Variants in CYP4X1 observed in about 807,000 individuals in gnomAD.
CYP4X1 encodes the protein cytochrome P450 family 4 subfamily X member 1, also known as cytochrome P450 4X1.
Under a neutral mutation model 57.9 loss-of-function variants are expected in CYP4X1, and 44 were observed. That is an observed-to-expected ratio of 0.76 (90% CI 0.60 to 0.98). CYP4X1 has a LOEUF of 0.98. CYP4X1 is among the 50% of genes least tolerant of loss of function. The pLI is 0.00. For synonymous variants in CYP4X1, 227 were observed against 228.6 expected (o/e 0.99, Z 0.06); for missense variants, 532 against 623.9 (o/e 0.85, Z 1.57).
At chr1:47,009,915 A>G in the CYP4X1 span, among the ~76,000 whole-genome samples, 1 of 152,226 alleles carries the variant, frequency 6.6e-6, no homozygotes, top group Non-Finnish European at 1.5e-5. Flanking sequence ...TGAGGCAATA[A>G]TTAATAACTT....
In CYP4X1 at chr1:47,039,530, T is replaced by C. The variant is rs141112226; in HGVS notation, c.1071T>C (p.Thr357=). The C allele has an allele frequency of 3.7e-6, 6 of 1,601,624 alleles. No homozygotes were observed. Among genetic ancestry groups the C allele is most frequent in the Admixed American group, 1.8e-5 (1 of 56,816 alleles). The part of the protein sequence containing the change: ...RGILGDGSSI[T]WDQLGEMSYT... ...TCCTGGGGGATGGGTCTTCTATCAC[T>C]TGGTAAGATCTGCACCCCTAAATTT... is the stretch of plus-strand genomic sequence containing the variant. Residue 357 remains threonine, a splice_region_variant and synonymous_variant, in exon 8 of 12, where the codon ACT becomes ACC. Transcript: ENST00000371901.
chr1:47,009,488 A>G, the CYP4X1 span, among the ~76,000 whole-genome samples: 3 of 152,232 alleles, frequency 2.0e-5, no homozygotes, highest in Non-Finnish European at 4.4e-5. Flanking sequence ...CCCTAACATC[A>G]CAATTAAAAG....
the CYP4X1 span, among the ~76,000 whole-genome samples, chr1:46,977,159 A>G: frequency 3.3e-5 from 5 of 152,272 alleles, no homozygotes; most frequent in Admixed American, 2.6e-4. Context: ...TCAGAAGGTC[A>G]GTAATAACAA....
the CYP4X1 span, among the ~76,000 whole-genome samples, chr1:46,981,983 A>T: frequency 6.6e-6 from 1 of 152,096 alleles, no homozygotes; most frequent in South Asian, 2.1e-4. Flanking sequence ...GGCCTGTCAT[A>T]GATGGGGAGA....
At chr1:47,012,508 G>C in the CYP4X1 span, among the ~76,000 whole-genome samples, 1 of 151,910 alleles carries the variant, frequency 6.6e-6, no homozygotes, top group Non-Finnish European at 1.5e-5. Flanking sequence ...GTATACGTAC[G>C]TAACAAACCT....
chr1:47,014,494 C>T, the CYP4X1 span, among the ~76,000 whole-genome samples: 1 of 152,212 alleles, frequency 6.6e-6, no homozygotes, highest in Non-Finnish European at 1.5e-5. Flanking sequence ...AAGTGGTTGA[C>T]ACTTCTCCAT....
chr1:46,988,898 T>C, the CYP4X1 span, among the ~76,000 whole-genome samples: 1 of 152,274 alleles, frequency 6.6e-6, no homozygotes, highest in Non-Finnish European at 1.5e-5. Flanking sequence ...TAATGGAACA[T>C]ATCTCAAAAT....
chr1:47,049,518 G>A lies in CYP4X1; in HGVS notation c.1355+14G>A, dbSNP rs1310985218. 10 of 1,611,170 alleles carry A rather than the reference G, an allele frequency of 6.2e-6. No individual in the cohort carries two copies. Among genetic ancestry groups the A allele is most frequent in the Non-Finnish European group, 8.5e-6 (10 of 1,177,426 alleles). On this transcript the variant is annotated intron_variant, in intron 11 of 11. Coordinates refer to ENST00000371901, the MANE Select transcript of CYP4X1 (RefSeq NM_178033.2). ...AGCTGGATCAAGGTGAGAACAATTT[G>A]AAGTTGCTGAAAGTACCCAAAGATG... is the stretch of plus-strand genomic sequence containing the variant.
chr1:47,036,923 C>G (rs2148510396), intron 6 of CYP4X1, among the ~76,000 whole-genome samples: 1 of 152,248 alleles, frequency 6.6e-6, no homozygotes, highest in Middle Eastern at 3.4e-3. Context: ...AGGAATTTTG[C>G]AAGACACACC....
chr1:46,977,168 A>G, the CYP4X1 span, among the ~76,000 whole-genome samples: 1 of 152,168 alleles, frequency 6.6e-6, no homozygotes, highest in Non-Finnish European at 1.5e-5. Context: ...CAGTAATAAC[A>G]AACTTCTCTG....
chr1:47,007,985 T>C, the CYP4X1 span, among the ~76,000 whole-genome samples: 1 of 152,194 alleles, frequency 6.6e-6, no homozygotes, highest in Non-Finnish European at 1.5e-5. Flanking sequence ...GGGAACCAAG[T>C]TGGAAAACAC....
At chr1:47,054,927 A>C (rs1557615063), downstream of CYP4X1, among the ~76,000 whole-genome samples, 3 of 152,108 alleles carry the variant, frequency 2.0e-5, no homozygotes, top group Non-Finnish European at 4.4e-5. Context: ...CTCCTGCCGG[A>C]TTGCCCTGGC....
chr1:47,033,149 G>T, intron 3 of CYP4X1, 92 bp from the exon 4 acceptor site: 1 of 1,439,914 alleles, frequency 6.9e-7, no homozygotes, highest in Non-Finnish European at 9.4e-7. Context: ...CTGCCTGTGG[G>T]TCATGGTTAC....
the CYP4X1 span, among the ~76,000 whole-genome samples, chr1:46,975,590 T>A: frequency 6.6e-6 from 1 of 152,108 alleles, no homozygotes; most frequent in Non-Finnish European, 1.5e-5. Flanking sequence ...CTAGCTGCAT[T>A]TCATATGTTT....
At chr1:47,002,820 T>C in the CYP4X1 span, among the ~76,000 whole-genome samples, 31 of 152,246 alleles carry the variant, frequency 2.0e-4, no homozygotes, top group Admixed American at 1.9e-3. Context: ...ATGTGGACTA[T>C]TGGACTATGC....
chr1:47,007,352 C>A, the CYP4X1 span, among the ~76,000 whole-genome samples: 1 of 152,220 alleles, frequency 6.6e-6, no homozygotes, highest in South Asian at 2.1e-4. Context: ...ACCAACAGAC[C>A]TGCAGCTGAG....
At chr1:47,027,644 T>C (rs1209665160) in intron 1 of CYP4X1, among the ~76,000 whole-genome samples, 2 of 152,222 alleles carry the variant, frequency 1.3e-5, no homozygotes, top group East Asian at 1.9e-4. Flanking sequence ...AAAGTGTGTA[T>C]AGGGAAAATT....
the CYP4X1 span, among the ~76,000 whole-genome samples, chr1:46,974,534 T>A: frequency 2.0e-5 from 3 of 152,214 alleles, no homozygotes; most frequent in South Asian, 6.2e-4. Flanking sequence ...GGTGTTGAAG[T>A]ATCCCACCAT....
chr1:46,970,267 A>G, the CYP4X1 span, among the ~76,000 whole-genome samples: 2 of 152,206 alleles, frequency 1.3e-5, no homozygotes, highest in East Asian at 1.9e-4. Flanking sequence ...GATACAGTGA[A>G]ATTTGGAAGA....
Sources: allele counts gnomAD v4.1 joint callset (sites outside exome capture counted in the v4.1 genomes callset), GRCh38; gene constraint gnomAD v4.1.1; transcripts MANE v1.5; gene names NCBI Gene and HGNC (gene_info 2026-07-23, HGNC 2026-07-21).